Variants in GNB1L observed in about 807,000 individuals in gnomAD.
GNB1L encodes G protein subunit beta 1 like.
In GNB1L, 20 loss-of-function variants were observed where a neutral mutation model predicts 29.1. The observed-to-expected ratio is 0.69, with a 90% confidence interval of 0.48 to 1.00. The LOEUF (loss-of-function observed/expected upper bound fraction) is 1.00, where lower values mean the gene tolerates loss of function less well. GNB1L is among the 50% of genes least tolerant of loss of function. The pLI is 0.00. For synonymous variants in GNB1L, 193 were observed against 206.5 expected (o/e 0.93, Z 0.56); for missense variants, 421 against 464.9 (o/e 0.91, Z 0.87).
intron 4 of GNB1L, 53 bp from the exon 5 acceptor site, chr22:19,812,500 C>A: frequency 1.3e-6 from 2 of 1,510,814 alleles, no homozygotes; most frequent in South Asian, 2.4e-5. Flanking sequence ...AGTGTCAGCT[C>A]CCATGGCCCC....
intron 6 of GNB1L, among the ~76,000 whole-genome samples, chr22:19,803,827 G>A (rs1937402335): frequency 6.6e-6 from 1 of 152,226 alleles, no homozygotes; most frequent in Non-Finnish European, 1.5e-5. Flanking sequence ...CCCTCAGGCA[G>A]CGCTCTGTGG....
At chr22:19,833,631 A>T (rs1478401200) in intron 2 of GNB1L, among the ~76,000 whole-genome samples, 1 of 152,182 alleles carries the variant, frequency 6.6e-6, no homozygotes, top group Non-Finnish European at 1.5e-5. Flanking sequence ...TGGGAGGCTG[A>T]GGCAGGTGGA....
At chr22:19,814,346 G>A (rs959554507) in intron 4 of GNB1L, among the ~76,000 whole-genome samples, 8 of 152,118 alleles carry the variant, frequency 5.3e-5, no homozygotes, top group African/African-American at 1.4e-4. Flanking sequence ...CAAACTCCTC[G>A]GCTTAAACGA....
rs934605225 is a variant in GNB1L, at chr22:19,811,619, T to C, written c.417+666A>G. 3.9e-5 allele frequency among the ~76,000 whole-genome samples: 6 copies of C among 152,112 alleles called. No individual in the cohort carries two copies. In the South Asian group the frequency reaches 8.3e-4, roughly 21 times the overall value. On this transcript the variant is annotated intron_variant, in intron 5 of 7. Coordinates refer to ENST00000329517, the MANE Select transcript of GNB1L (RefSeq NM_053004.3). ...GGATACCACTGTCCAGCTGGGCCAG[T>C]CCTGTGTTACCAACACCTCTGGTCA...
chr22:19,799,800 C>T (rs1937348741), intron 7 of GNB1L, among the ~76,000 whole-genome samples: 1 of 152,210 alleles, frequency 6.6e-6, no homozygotes, highest in South Asian at 2.1e-4. Flanking sequence ...TCAGGCAGCT[C>T]ACCTCCGAAA....
intron 2 of GNB1L, chr22:19,850,796 G>A: frequency 7.8e-7 from 1 of 1,286,262 alleles, no homozygotes; most frequent in African/African-American, 1.5e-5. Flanking sequence ...CAGCCAGTGT[G>A]GAAGACACCA....
chr22:19,831,287 C>T (rs1235706502), intron 2 of GNB1L, among the ~76,000 whole-genome samples: 1 of 151,484 alleles, frequency 6.6e-6, no homozygotes, highest in African/African-American at 2.4e-5. Flanking sequence ...AATGCTTTAA[C>T]CCAGGAGGCG....
rs1294214876 is a variant in GNB1L at position 19,816,859 on chromosome 22, C to T, written c.254+3739G>A. ...CCACCTGCCCTCACCAACCTCCTGG[C>T]CTCCCAGGCTGCCGCTGCCACACCA... On this transcript the variant is annotated intron_variant, in intron 4 of 7. Coordinates refer to ENST00000329517, the MANE Select transcript of GNB1L (RefSeq NM_053004.3). This position sits in a 1 kb window ranked among gnomAD's most constrained non-coding sequence, Gnocchi z 4.4. Among the ~76,000 whole-genome samples the T allele has an allele frequency of 6.6e-6, 1 of 152,202 alleles. No individual in the cohort carries two copies. The highest frequency in any genetic ancestry group is 1.5e-5 in the Non-Finnish European group (1 of 68,036).
At chr22:19,849,057 G>A (rs1938031997) in intron 2 of GNB1L, 2 of 985,458 alleles carry the variant, frequency 2.0e-6, no homozygotes, top group South Asian at 9.4e-5. Context: ...ATCGGACGGA[G>A]GGCAGCTGTG....
intron 4 of GNB1L, among the ~76,000 whole-genome samples, chr22:19,817,384 G>T (rs1230674237): frequency 6.6e-6 from 1 of 152,216 alleles, no homozygotes; most frequent in African/African-American, 2.4e-5. Flanking sequence ...GGGAGGCTGA[G>T]GCAGGAGAAT....
At chr22:19,853,711 C>T (rs1432036919) in intron 2 of GNB1L, among the ~76,000 whole-genome samples, 2 of 151,352 alleles carry the variant, frequency 1.3e-5, no homozygotes, top group African/African-American at 4.9e-5. Context: ...CAGGTCTGAC[C>T]CCCCTCTGGG....
At chr22:19,792,658 C>A in intron 7 of GNB1L, 1 of 1,527,534 alleles carries the variant, frequency 6.5e-7, no homozygotes, top group Non-Finnish European at 9.0e-7. Context: ...GAGAAGAAAG[C>A]TGCTGGCAAA....
chr22:19,854,123 G>A (rs946437234), intron 2 of GNB1L, among the ~76,000 whole-genome samples: 2 of 152,138 alleles, frequency 1.3e-5, no homozygotes, highest in African/African-American at 4.8e-5. Flanking sequence ...GCCCTCCCAC[G>A]CCTATCAGTC....
In GNB1L at chr22:19,784,927, A is replaced by C. The variant is rs1432821231; in HGVS notation, c.*3782T>G. On this transcript the variant is annotated 3_prime_UTR_variant, in exon 8 of 8. Coordinates refer to ENST00000329517, the MANE Select transcript of GNB1L (RefSeq NM_053004.3). ...CCAAGGCCACCCCTGCTGGCTGTGAAGACACCACCAGGCGGACAGTGCCCA... is the reference window on the plus strand; with the variant it reads ...CCAAGGCCACCCCTGCTGGCTGTGACGACACCACCAGGCGGACAGTGCCCA... The C allele has an allele frequency of 6.6e-6, 1 of 152,284 alleles. No individual in the cohort carries two copies. The highest frequency in any genetic ancestry group is 1.5e-5 in the Non-Finnish European group (1 of 68,082). The allele number at this position is 152,284 out of a possible 1,614,324, so 9.4% of individuals were successfully genotyped here.
intron 6 of GNB1L, among the ~76,000 whole-genome samples, chr22:19,805,296 GGA>G (rs1183735237): frequency 1.3e-5 from 2 of 152,216 alleles, no homozygotes; most frequent in Non-Finnish European, 2.9e-5. Context: ...CTGGTCACGT[GGA>G]GAGAGAGAAA....
chr22:19,820,610 C>A lies in GNB1L; in HGVS notation c.242G>T (p.Arg81Leu). The A allele has an allele frequency of 6.2e-7, 1 of 1,612,350 alleles. No homozygotes were observed. Among genetic ancestry groups the A allele is most frequent in the Non-Finnish European group, 8.5e-7 (1 of 1,179,556 alleles). ...VTWLQTLPQG[R>L]QLLSQGRDLK... is the part of the protein sequence containing the mutation. Reference sequence around the variant, plus strand: ...CTTGGAGACCCACCTGAGGAGCTGGCGCCCCTGGGGCAGCGTCTGCAGCCA... The same window carrying A: ...CTTGGAGACCCACCTGAGGAGCTGGAGCCCCTGGGGCAGCGTCTGCAGCCA... Residue 81 changes from arginine to leucine, a missense_variant, in exon 4 of 8, where the codon CGC becomes CTC. Arg to Leu is a moderately radical substitution (Grantham distance 102). Coordinates refer to ENST00000329517, the MANE Select transcript of GNB1L (RefSeq NM_053004.3).
intron 4 of GNB1L, among the ~76,000 whole-genome samples, chr22:19,815,794 T>C (rs1039969426): frequency 2.0e-5 from 3 of 152,056 alleles, no homozygotes; most frequent in Non-Finnish European, 2.9e-5. Flanking sequence ...GTTTCCCAGG[T>C]TGGTCTCGAA....
intron 5 of GNB1L, among the ~76,000 whole-genome samples, chr22:19,808,676 G>T (rs771950391): frequency 3.9e-5 from 6 of 152,234 alleles, no homozygotes; most frequent in Non-Finnish European, 8.8e-5. Context: ...AAGCTGGGGC[G>T]GGCTTAGCCG....
At chr22:19,838,899 A>G (rs1937810406) in intron 2 of GNB1L, among the ~76,000 whole-genome samples, 1 of 152,262 alleles carries the variant, frequency 6.6e-6, no homozygotes, top group South Asian at 2.1e-4. Flanking sequence ...TAACCACCCA[A>G]AACAGAAATG....
Sources: gnomAD v4.1 joint callset for allele counts (sites outside exome capture counted in the v4.1 genomes callset) on GRCh38, gnomAD v4.1.1 for gene constraint, Gnocchi (gnomAD v3.1) non-coding constraint, MANE v1.5 for transcripts, NCBI Gene and HGNC (gene_info 2026-07-23, HGNC 2026-07-21) for gene names.